Variants in LRRN2 observed in about 807,000 individuals in gnomAD.
LRRN2 encodes leucine rich repeat neuronal 2.
A neutral mutation model predicts 35.7 loss-of-function variants in LRRN2; 10 were observed. The observed-to-expected ratio is 0.28, with a 90% confidence interval of 0.17 to 0.47. The LOEUF is 0.47. LRRN2 is among the 20% of genes least tolerant of loss of function. The probability of loss-of-function intolerance (pLI) is 0.99; values close to 1 mark genes in which losing one functional copy is unlikely to be tolerated. For synonymous variants in LRRN2, 391 were observed against 409.6 expected (o/e 0.95, Z 0.55); for missense variants, 731 against 940.3 (o/e 0.78, Z 2.91).
intron 1 of LRRN2, chr1:204,633,110 CAG>C (rs775582293): frequency 1.3e-5 from 2 of 151,312 alleles, no homozygotes; most frequent in Admixed American, 6.6e-5. Flanking sequence ...AAGGGCTTGA[CAG>C]AGAGAATTTT....
intron 1 of LRRN2, among the ~76,000 whole-genome samples, chr1:204,640,619 C>T (rs1667956057): frequency 6.6e-6 from 1 of 152,136 alleles, no homozygotes; most frequent in African/African-American, 2.4e-5. Flanking sequence ...TGTCTCTTCT[C>T]TACCCCTTCC....
chr1:204,672,703 C>A (rs754291791), intron 1 of LRRN2, among the ~76,000 whole-genome samples: 4 of 152,180 alleles, frequency 2.6e-5, no homozygotes, highest in Non-Finnish European at 5.9e-5. Context: ...TTCCCTCCCT[C>A]CCAGCACTAG....
intron 1 of LRRN2, among the ~76,000 whole-genome samples, chr1:204,622,604 T>C (rs1666986013): frequency 6.6e-6 from 1 of 151,544 alleles, no homozygotes; most frequent in African/African-American, 2.4e-5. Context: ...CCCAAGCCAG[T>C]GTATGGGGGT....
chr1:204,626,206 T>C (rs1420929802), intron 1 of LRRN2, among the ~76,000 whole-genome samples: 1 of 151,898 alleles, frequency 6.6e-6, no homozygotes, highest in Non-Finnish European at 1.5e-5. Flanking sequence ...ATTGGTCCCA[T>C]TGCCATCAGC....
At chr1:204,631,096 C>CT (rs1047174998) in intron 1 of LRRN2, among the ~76,000 whole-genome samples, 49 of 144,328 alleles carry the variant, frequency 3.4e-4, no homozygotes, top group East Asian at 1.9e-3. Context: ...ATCAGAAACT[C>CT]TGAGGGTGGG....
intron 1 of LRRN2, chr1:204,626,968 C>A (rs1046628263): frequency 5.5e-5 from 8 of 144,752 alleles, no homozygotes; most frequent in African/African-American, 2.1e-4. Flanking sequence ...TTTTTTTTTG[C>A]CTAGGGCTGT....
At chr1:204,679,462 C>G (rs866009929) in intron 1 of LRRN2, among the ~76,000 whole-genome samples, 2 of 152,336 alleles carry the variant, frequency 1.3e-5, no homozygotes, top group Middle Eastern at 3.4e-3. Context: ...CTGAAAAGAT[C>G]AGATAGGACA....
At chr1:204,656,582 T>G (rs1363733244) in intron 1 of LRRN2, among the ~76,000 whole-genome samples, 1 of 152,240 alleles carries the variant, frequency 6.6e-6, no homozygotes, top group African/African-American at 2.4e-5. Flanking sequence ...TTGAAAATTT[T>G]GGCACGAACA....
Position 204,617,936 on chromosome 1 carries a change from A to T in LRRN2, c.2057T>A (p.Leu686His), listed in dbSNP as rs764953763. The change falls in exon 2 of 2, where the codon CTC (leucine) becomes CAC (histidine). Residue 686 changes from leucine to histidine, a missense_variant. Around this residue, in one of 3 missense-constraint regions of LRRN2, gnomAD observed 229 missense variants for 258.4 expected, o/e 0.89. Transcript: ENST00000367177. ...CCTCCCTGGATTCCAGGGCAGGACG[A>T]GGGGAGCAGACACAACCCGGACAGA... Reference protein sequence around the residue: ...APSVRVVSAPLVLPWNPGRKL... With the variant: ...APSVRVVSAPHVLPWNPGRKL... 1 of 1,614,020 alleles carries T rather than the reference A, an allele frequency of 6.2e-7. No homozygotes were observed. Among genetic ancestry groups the T allele is most frequent in the South Asian group, 1.1e-5 (1 of 91,080 alleles).
At chr1:204,624,774 G>T (rs1161829279) in intron 1 of LRRN2, among the ~76,000 whole-genome samples, 1 of 136,030 alleles carries the variant, frequency 7.4e-6, no homozygotes, top group African/African-American at 2.7e-5. Flanking sequence ...CCCGGGAGCT[G>T]AGGGTCCAGA....
intron 1 of LRRN2, among the ~76,000 whole-genome samples, chr1:204,665,432 AC>A (rs1468958124): frequency 1.3e-5 from 2 of 152,242 alleles, no homozygotes; most frequent in Non-Finnish European, 1.5e-5. Flanking sequence ...GAGCACCCCC[AC>A]AGCCAGCCCT....
At position 204,676,356 on chromosome 1, in the gene LRRN2, A is replaced by C. The variant is rs546916242; in HGVS notation, c.-227+8964T>G. 4.8e-5 allele frequency among the ~76,000 whole-genome samples: 5 copies of C among 104,544 alleles called. No homozygotes were observed. In the East Asian group the frequency reaches 1.6e-3, roughly 33 times the overall value. 68.6% of individuals were successfully genotyped at this position (104,544 alleles called of 152,430 possible). A position where few individuals can be genotyped will look rare whatever the true frequency, so the allele number is the denominator to read the frequency against. On this transcript the variant is annotated intron_variant, in intron 1 of 1. Transcript: ENST00000367177. ...AGTAGCTAAGCTCAGAAAACATAGG[A>C]TCTTAGACCTTTCTGAGCTTTGTAC...
intron 1 of LRRN2, among the ~76,000 whole-genome samples, chr1:204,622,712 C>G (rs955998303): frequency 2.6e-5 from 4 of 152,070 alleles, no homozygotes; most frequent in Non-Finnish European, 1.5e-5. Context: ...GGAACTGGAT[C>G]TATGGCCAGT....
chr1:204,626,466 G>A (rs1218450844), intron 1 of LRRN2, among the ~76,000 whole-genome samples: 1 of 151,860 alleles, frequency 6.6e-6, no homozygotes, highest in African/African-American at 2.4e-5. Flanking sequence ...TGCCTGCCGT[G>A]CCCTTTCCCA....
At position 204,617,336 on chromosome 1, in the gene LRRN2, T is replaced by C. The variant is rs1168718668; in HGVS notation, c.*515A>G. 1 of 153,636 alleles carries C rather than the reference T, an allele frequency of 6.5e-6. No homozygotes were observed. The highest frequency in any genetic ancestry group is 2.4e-5 in the African/African-American group (1 of 41,462). 9.5% of individuals were successfully genotyped at this position (153,636 alleles called of 1,614,324 possible). ...CTTCGGAATGCCGAGCCCAGGCTGC[T>C]GAGATGAGGCGTTCCTGGGCATCCC... is the stretch of plus-strand genomic sequence containing the variant. On this transcript the variant is annotated 3_prime_UTR_variant, in exon 2 of 2. Transcript: ENST00000367177.
At chr1:204,678,986 T>C (rs994936980) in intron 1 of LRRN2, among the ~76,000 whole-genome samples, 3 of 152,166 alleles carry the variant, frequency 2.0e-5, no homozygotes, top group Non-Finnish European at 4.4e-5. Flanking sequence ...GCTACATGCC[T>C]CACAAATACT....
chr1:204,631,958 T>A (rs1245775695), intron 1 of LRRN2, among the ~76,000 whole-genome samples: 1 of 152,224 alleles, frequency 6.6e-6, no homozygotes, highest in African/African-American at 2.4e-5. Flanking sequence ...GAGCAGTGGC[T>A]CATGCCTGTA....
intron 1 of LRRN2, among the ~76,000 whole-genome samples, chr1:204,677,712 C>T (rs1018066493): frequency 2.9e-4 from 44 of 152,206 alleles, no homozygotes; most frequent in African/African-American, 9.2e-4. Context: ...GGACAACGGC[C>T]GGAGCTGGAA....
chr1:204,645,742 G>A (rs1668091250), intron 1 of LRRN2, among the ~76,000 whole-genome samples: 1 of 152,156 alleles, frequency 6.6e-6, no homozygotes, highest in Non-Finnish European at 1.5e-5. Context: ...ATGGCAGAAG[G>A]AAAAGCAAGA....
Sources: allele counts gnomAD v4.1 joint callset (sites outside exome capture counted in the v4.1 genomes callset), GRCh38; gene constraint gnomAD v4.1.1; regional missense constraint gnomAD v4.1.1; transcripts MANE v1.5; gene names NCBI Gene and HGNC (gene_info 2026-07-23, HGNC 2026-07-21).